CDYL2: variants seen among roughly 807,000 people sequenced by gnomAD.
CDYL2 encodes the protein chromodomain Y-like protein 2.
In CDYL2, 23 loss-of-function variants were observed where a neutral mutation model predicts 49.4. The ratio of observed to expected loss-of-function variants is 0.47; its 90% CI spans 0.34 to 0.66. CDYL2 has a LOEUF of 0.66. CDYL2 is among the 30% of genes least tolerant of loss of function. The probability of loss-of-function intolerance (pLI) is 0.01; values close to 1 mark genes in which losing one functional copy is unlikely to be tolerated. For synonymous variants in CDYL2, 360 were observed against 268.8 expected (o/e 1.34, Z -3.32); for missense variants, 678 against 656.4 (o/e 1.03, Z -0.36).
At chr16:80,626,484 G>T (rs1320170599) in intron 3 of CDYL2, among the ~76,000 whole-genome samples, 3 of 152,144 alleles carry the variant, frequency 2.0e-5, no homozygotes, top group African/African-American at 7.2e-5. Flanking sequence ...CGGAAGTGGT[G>T]GAGGTAGTTA....
At position 80,804,512 on chromosome 16, in the gene CDYL2, G is replaced by A. The variant is rs1309472152; in HGVS notation, c.-339C>T. 4.2e-5 allele frequency among the ~76,000 whole-genome samples: 6 copies of A among 144,430 alleles called. No homozygotes were observed. Among genetic ancestry groups the A allele is most frequent in the African/African-American group, 1.5e-4 (6 of 40,386 alleles). The allele number at this position is 144,430 out of a possible 152,430, so 94.8% of individuals were successfully genotyped here. On this transcript the variant is annotated 5_prime_UTR_variant, in exon 1 of 7. Transcript: ENST00000570137. ...CCCCGCGACCCGGCGACCCGGCGGCGGTGGCTGCAGCCGGCAACGGCTCGC... is the reference window on the plus strand; with the variant it reads ...CCCCGCGACCCGGCGACCCGGCGGCAGTGGCTGCAGCCGGCAACGGCTCGC...
intron 1 of CDYL2, among the ~76,000 whole-genome samples, chr16:80,756,264 C>G (rs1218675621): frequency 6.6e-6 from 1 of 152,076 alleles, no homozygotes; most frequent in Non-Finnish European, 1.5e-5. Flanking sequence ...TGGTCCAACT[C>G]AATTCTCTGA....
Position 80,612,981 on chromosome 16 carries a change from A to G in CDYL2, c.1008-145T>C. Reference sequence around the variant, plus strand: ...CAGGCAAGGGCCTCATTGCCTGGACATGGAACCACCAGCTGTCAGATTTTC... The same window carrying G: ...CAGGCAAGGGCCTCATTGCCTGGACGTGGAACCACCAGCTGTCAGATTTTC... On this transcript the variant is annotated intron_variant, in intron 4 of 6. Coordinates refer to ENST00000570137, the MANE Select transcript of CDYL2 (RefSeq NM_152342.4). This position sits in a 1 kb window ranked among gnomAD's most constrained non-coding sequence, Gnocchi z 5.0. 4.5e-6 allele frequency: 3 copies of G among 668,496 alleles called. No individual in the cohort carries two copies. Among genetic ancestry groups the G allele is most frequent in the Non-Finnish European group, 4.9e-6 (2 of 404,880 alleles). The allele number at this position is 668,496 out of a possible 1,614,324, so 41.4% of individuals were successfully genotyped here.
chr16:80,639,805 G>C (rs998118270), intron 2 of CDYL2: 3 of 445,088 alleles, frequency 6.7e-6, no homozygotes, highest in Admixed American at 2.5e-5. Flanking sequence ...TGTGCACTGT[G>C]GAAAGGGAGA....
chr16:80,793,752 T>A (rs917954063), intron 1 of CDYL2, among the ~76,000 whole-genome samples: 2 of 152,236 alleles, frequency 1.3e-5, no homozygotes, highest in African/African-American at 4.8e-5. Flanking sequence ...AATTGATACA[T>A]AAAATAATTT....
Position 80,612,648 on chromosome 16 carries a change from G to C in CDYL2, c.1196C>G (p.Pro399Arg). ...TPAGCSSYTF[P>R]QILGVALANE... Reference sequence around the variant, plus strand: ...TACCAGCGCGACGCCCAGGATCTGGGGGAAGGTGTAGGAGGAGCAGCCAGC... The same window carrying C: ...TACCAGCGCGACGCCCAGGATCTGGCGGAAGGTGTAGGAGGAGCAGCCAGC... Residue 399 changes from proline (P) to arginine (R), a missense_variant, in exon 5 of 7, where the codon CCC becomes CGC. This residue lies in a region of CDYL2 where 153 missense variants were observed against 150.6 expected (regional missense o/e 1.02). Transcript: ENST00000570137. This position sits in a 1 kb window ranked among gnomAD's most constrained non-coding sequence, Gnocchi z 5.0. 6.2e-7 allele frequency: 1 copy of C among 1,610,854 alleles called. No homozygotes were observed. The highest frequency in any genetic ancestry group is 8.5e-7 in the Non-Finnish European group (1 of 1,178,788).
chr16:80,690,753 C>T (rs1335748622), intron 1 of CDYL2, among the ~76,000 whole-genome samples: 2 of 152,174 alleles, frequency 1.3e-5, no homozygotes, highest in Non-Finnish European at 2.9e-5. Flanking sequence ...TCCATCACTT[C>T]GGATTAGCCT....
intron 1 of CDYL2, among the ~76,000 whole-genome samples, chr16:80,716,631 G>A (rs1213720326): frequency 1.3e-5 from 2 of 152,172 alleles, no homozygotes; most frequent in Non-Finnish European, 2.9e-5. Flanking sequence ...ATGGGTGGAT[G>A]GATGGATGGA....
Position 80,612,863 on chromosome 16 carries a change from A to C in CDYL2, c.1008-27T>G. Reference sequence around the variant, plus strand: ...TGGGAGAGAAAGAAGATCCTCTTGAACAGGTGACTATAGCATGCTAAGCCC... The same window carrying C: ...TGGGAGAGAAAGAAGATCCTCTTGACCAGGTGACTATAGCATGCTAAGCCC... On this transcript the variant is annotated intron_variant, in intron 4 of 6. Transcript: ENST00000570137. The surrounding 1 kb of genome is among the most constrained non-coding windows in gnomAD (Gnocchi z 5.0). 5 of 1,578,592 alleles carry C rather than the reference A, an allele frequency of 3.2e-6. No individual in the cohort carries two copies. Among genetic ancestry groups the C allele is most frequent in the Non-Finnish European group, 4.3e-6 (5 of 1,159,456 alleles).
At chr16:80,639,964 C>T (rs1908009778) in intron 2 of CDYL2, among the ~76,000 whole-genome samples, 1 of 152,210 alleles carries the variant, frequency 6.6e-6, no homozygotes, top group Non-Finnish European at 1.5e-5. Context: ...GTGGTCAGAA[C>T]TTGAGTTCCT....
chr16:80,738,093 C>A (rs1460904674), intron 1 of CDYL2, among the ~76,000 whole-genome samples: 1 of 151,930 alleles, frequency 6.6e-6, no homozygotes. Context: ...GTTCAACTCC[C>A]ACTATGAGTG....
At chr16:80,621,287 A>T (rs183197250) in intron 3 of CDYL2, among the ~76,000 whole-genome samples, 1 of 152,228 alleles carries the variant, frequency 6.6e-6, no homozygotes, top group East Asian at 1.9e-4. Context: ...CCTTTACAAG[A>T]TGTGGAAAAA....
intron 1 of CDYL2, among the ~76,000 whole-genome samples, chr16:80,688,196 G>A (rs1910274642): frequency 6.6e-6 from 1 of 152,140 alleles, no homozygotes; most frequent in African/African-American, 2.4e-5. Flanking sequence ...GGACATCAAG[G>A]CTAGTTCTTC....
In CDYL2 at chr16:80,660,480, G is replaced by A. The variant is rs1908996638; in HGVS notation, c.616+24058C>T. ...AATACAATCTACAGCTAGCTTCTGA[G>A]TCAGCCCAAGGAGAAGGAATGTATA... On this transcript the variant is annotated intron_variant, in intron 2 of 6. Transcript: ENST00000570137. Among the ~76,000 whole-genome samples the A allele has an allele frequency of 2.0e-5, 3 of 152,064 alleles. No individual in the cohort carries two copies. The South Asian group carries it at 6.2e-4, about 31-fold the overall frequency.
chr16:80,651,808 T>C (rs1908595155), intron 2 of CDYL2, among the ~76,000 whole-genome samples: 1 of 152,206 alleles, frequency 6.6e-6, no homozygotes, highest in Non-Finnish European at 1.5e-5. Flanking sequence ...AAAAAGTTGA[T>C]TCCCATGGCG....
intron 5 of CDYL2, among the ~76,000 whole-genome samples, chr16:80,608,530 T>C (rs763050609): frequency 4.5e-4 from 68 of 152,232 alleles, no homozygotes; most frequent in Admixed American, 1.3e-3. Flanking sequence ...GCATGGGTTG[T>C]GGGTTGGGAA....
chr16:80,665,505 TAAAAA>T (rs35248259), intron 2 of CDYL2, among the ~76,000 whole-genome samples: 2,500 of 121,636 alleles, frequency 0.021, 24 homozygotes, highest in Middle Eastern at 0.027. Context: ...TTTTTGCCAT[TAAAAA>T]AAAAAAAAAA....
rs555417276 is a variant in CDYL2 at position 80,708,022 on chromosome 16, C to CA, written c.25-22894_25-22893insT. 9.8e-5 allele frequency among the ~76,000 whole-genome samples: 15 copies of CA among 152,312 alleles called. 1 individual carries two copies. The South Asian group carries it at 3.1e-3, about 32-fold the overall frequency. ...TACAAGAAAGGCTCAGAGGATCACACTCTTTAGGGGTGGGGCAAAGATGAT... is the reference window on the plus strand; with the variant it reads ...TACAAGAAAGGCTCAGAGGATCACACATCTTTAGGGGTGGGGCAAAGATGAT... On this transcript the variant is annotated intron_variant, in intron 1 of 6. Coordinates refer to ENST00000570137, the MANE Select transcript of CDYL2 (RefSeq NM_152342.4).
intron 2 of CDYL2, among the ~76,000 whole-genome samples, chr16:80,649,736 CA>C (rs1908504432): frequency 6.6e-6 from 1 of 152,040 alleles, no homozygotes. Context: ...CTACAGTAAC[CA>C]AAACAGCACG....
Sources: allele counts gnomAD v4.1 joint callset (sites outside exome capture counted in the v4.1 genomes callset), GRCh38; gene constraint gnomAD v4.1.1; regional missense constraint gnomAD v4.1.1; non-coding constraint Gnocchi (gnomAD v3.1); transcripts MANE v1.5; gene names NCBI Gene and HGNC (gene_info 2026-07-23, HGNC 2026-07-21).